The following ADGRG4 variants were observed in gnomAD, a reference collection of about 807,000 sequenced individuals.
ADGRG4 encodes the protein adhesion G protein-coupled receptor G4, also known as G protein-coupled receptor 112.
A neutral mutation model predicts 126.2 loss-of-function variants in ADGRG4; 122 were observed. The ratio of observed to expected loss-of-function variants is 0.97; its 90% CI spans 0.83 to 1.12. The LOEUF is 1.12. ADGRG4 is among the 50% of genes most tolerant of loss of function. ADGRG4 has a pLI of 0.00. For synonymous variants in ADGRG4, 943 were observed against 838.7 expected, an observed-to-expected ratio of 1.12 and a Z score of -2.15; for missense variants, 2,481 against 2,251.8, an observed-to-expected ratio of 1.10 and a Z score of -2.06.
chrX:136,310,676 G>T (rs899030382), intron 4 of ADGRG4, among the ~76,000 whole-genome samples: 1 of 110,969 alleles, frequency 9.0e-6, no homozygotes, highest in Non-Finnish European at 1.9e-5. Flanking sequence ...GGAGGAGCCA[G>T]AGTGTGGAGC....
chrX:136,325,414 T>C (rs1045839561), intron 5 of ADGRG4, among the ~76,000 whole-genome samples: 2 of 112,060 alleles, frequency 1.8e-5, no homozygotes, highest in Admixed American at 1.9e-4. Flanking sequence ...TTTTTCTCTT[T>C]TCTGGGGCCT....
At chrX:136,332,002 A>T (rs1246483635) in intron 5 of ADGRG4, among the ~76,000 whole-genome samples, 6 of 107,759 alleles carry the variant, frequency 5.6e-5, no homozygotes, top group East Asian at 2.9e-4. Context: ...ATTTTTTTTT[A>T]ATTTTTATTT....
intron 5 of ADGRG4, among the ~76,000 whole-genome samples, chrX:136,329,258 C>G (rs763237782): frequency 9.0e-5 from 10 of 111,529 alleles, no homozygotes; most frequent in Non-Finnish European, 1.7e-4. Flanking sequence ...GTGATATACC[C>G]AAATCACAAC....
Position 136,397,907 on chromosome X carries a change from A to G in ADGRG4, c.8211A>G (p.Ser2737=), listed in dbSNP as rs1360189396. The G allele has an allele frequency of 8.3e-7, 1 of 1,203,243 alleles. No individual in the cohort carries two copies. The highest frequency in any genetic ancestry group is 1.1e-6 in the Non-Finnish European group (1 of 887,748). The change falls in exon 20 of 26, where the codon TCA becomes TCG. Residue 2737 remains serine (S), a synonymous_variant. Coordinates refer to ENST00000394143, the MANE Select transcript of ADGRG4 (RefSeq NM_153834.4). ...ATTTATCCAGGTCTACAGTGGATTC[A>G]GTGAATGAACAGATATTAGCGCTTA... ...LMDLSRSTVD[S]VNEQILALIT...
chrX:136,384,726 A>G (rs888403215), intron 15 of ADGRG4, among the ~76,000 whole-genome samples: 3 of 111,473 alleles, frequency 2.7e-5, no homozygotes, highest in Admixed American at 9.5e-5. Flanking sequence ...CCCAGCCCCC[A>G]GCATTTTAAA....
chrX:136,315,702 G>T (rs1220271102), intron 4 of ADGRG4, among the ~76,000 whole-genome samples: 3 of 111,526 alleles, frequency 2.7e-5, no homozygotes, highest in Non-Finnish European at 5.7e-5. Context: ...ATCTTCTTTG[G>T]AAATAGAGTC....
Position 136,405,956 on chromosome X carries a change from T to G in ADGRG4, c.8919T>G (p.Ile2973Met). The change falls in exon 23 of 26, where the codon ATT (isoleucine) becomes ATG (methionine). Residue 2973 changes from isoleucine to methionine, a missense_variant. By Grantham distance (10) the Ile-to-Met change is conservative. Coordinates refer to ENST00000394143, the MANE Select transcript of ADGRG4 (RefSeq NM_153834.4). ...MRNFFLYLFA[I>M]FNTLQGFFIF... ...ACTTTTTCTTGTATTTGTTTGCCAT[T>G]TTTAACACTTTGCAAGGTAACTGGT... 8.9e-7 allele frequency: 1 copy of G among 1,127,514 alleles called. No individual in the cohort carries two copies. Among genetic ancestry groups the G allele is most frequent in the Admixed American group, 2.7e-5 (1 of 36,462 alleles). 92.9% of individuals were successfully genotyped at this position (1,127,514 alleles called of 1,213,427 possible). A position where few individuals can be genotyped will look rare whatever the true frequency, so the allele number is the denominator to read the frequency against.
chrX:136,359,410 T>C lies in ADGRG4; in HGVS notation c.7099T>C (p.Leu2367=). The C allele has an allele frequency of 1.7e-6, 2 of 1,208,206 alleles. No individual in the cohort carries two copies. The highest frequency in any genetic ancestry group is 3.6e-5 in the South Asian group (2 of 55,871). Residue 2367 remains leucine (L), a synonymous_variant, in exon 11 of 26, where the codon TTG becomes CTG. Coordinates refer to ENST00000394143, the MANE Select transcript of ADGRG4 (RefSeq NM_153834.4). ...ACATGGAAACTTCACACAAGATCAA[T>C]TGACGTTATTAGTAAACTGTGAACA... ...FTHGNFTQDQ[L]TLLVNCEHVA... is the part of the protein sequence containing the mutation.
chrX:136,351,719 G>C (rs1296882538), intron 7 of ADGRG4, among the ~76,000 whole-genome samples, 178 bp downstream of exon 7: 19 of 106,995 alleles, frequency 1.8e-4, no homozygotes, highest in Non-Finnish European at 3.1e-4. Flanking sequence ...GCAACATCAT[G>C]AGAATGTATG....
intron 19 of ADGRG4, among the ~76,000 whole-genome samples, chrX:136,397,088 C>T (rs747866145): frequency 7.5e-4 from 83 of 111,365 alleles, no homozygotes; most frequent in Middle Eastern, 4.6e-3. Flanking sequence ...CCCGCCCGGC[C>T]CCAAATAATT....
At chrX:136,338,441 C>A (rs762872017) in intron 5 of ADGRG4, among the ~76,000 whole-genome samples, 3 of 111,368 alleles carry the variant, frequency 2.7e-5, no homozygotes, top group Non-Finnish European at 5.6e-5. Flanking sequence ...AGCCACCAAG[C>A]CTGGCCCCAT....
At position 136,348,658 on chromosome X, in the gene ADGRG4, C is replaced by A; in HGVS notation, c.4952C>A (p.Pro1651Gln). The change falls in exon 6 of 26, where the codon CCA becomes CAA. Residue 1651 changes from proline (P) to glutamine (Q), a missense_variant. Transcript: ENST00000394143. ...TPTTFLSPTE[P>Q]TLPFVKTVPT... ...ACGACCTTTCTCTCTCCAACAGAGC[C>A]AACTTTGCCCTTTGTAAAAACCGTT... is the stretch of plus-strand genomic sequence containing the variant. 1.7e-6 allele frequency: 2 copies of A among 1,210,116 alleles called. No homozygotes were observed. Among genetic ancestry groups the A allele is most frequent in the Non-Finnish European group, 2.2e-6 (2 of 894,549 alleles).
At chrX:136,388,375 C>T (rs1280536989) in intron 16 of ADGRG4, among the ~76,000 whole-genome samples, 1 of 112,113 alleles carries the variant, frequency 8.9e-6, no homozygotes, top group African/African-American at 3.2e-5. Flanking sequence ...AAAACAGAGG[C>T]AGCATGATGT....
At chrX:136,369,769 C>A (rs893993705) in intron 13 of ADGRG4, among the ~76,000 whole-genome samples, 2 of 111,949 alleles carry the variant, frequency 1.8e-5, no homozygotes, top group Non-Finnish European at 3.8e-5. Flanking sequence ...AAATGTTAAT[C>A]GAGAAACAAC....
intron 23 of ADGRG4, among the ~76,000 whole-genome samples, chrX:136,408,997 T>C (rs749399561): frequency 1.4e-4 from 15 of 109,233 alleles, no homozygotes; most frequent in African/African-American, 5.0e-4. Flanking sequence ...CAAGATAGCA[T>C]GTGCCATCTT....
chrX:136,350,139 A>G lies in ADGRG4; in HGVS notation c.6433A>G (p.Met2145Val), dbSNP rs569329896. Residue 2145 changes from methionine (M) to valine (V), a missense_variant, in exon 6 of 26, where the codon ATG (methionine) becomes GTG (valine). Met to Val is a conservative substitution (Grantham distance 21). Transcript: ENST00000394143. The part of the protein sequence containing the change: ...TTDHTLSVGA[M>V]PLPSSTITSS... Reference sequence around the variant, plus strand: ...TGACCACACTCTATCTGTTGGTGCCATGCCTCTGCCTAGCTCTACAATAAC... The same window carrying G: ...TGACCACACTCTATCTGTTGGTGCCGTGCCTCTGCCTAGCTCTACAATAAC... 2.9e-5 allele frequency: 35 copies of G among 1,208,185 alleles called. No individual in the cohort carries two copies. The South Asian group carries it at 5.3e-4, about 18-fold the overall frequency.
At chrX:136,358,473 G>GATA (rs1437278766) in intron 10 of ADGRG4, among the ~76,000 whole-genome samples, 1 of 112,193 alleles carries the variant, frequency 8.9e-6, no homozygotes, top group Non-Finnish European at 1.9e-5. Context: ...TCAAAAAGCC[G>GATA]TGTCTACAAA....
In ADGRG4 at chrX:136,346,630, A is replaced by G. The variant is rs2075019209; in HGVS notation, c.2924A>G (p.Glu975Gly). 1.7e-6 allele frequency: 2 copies of G among 1,210,488 alleles called. No homozygotes were observed. Among genetic ancestry groups the G allele is most frequent in the Non-Finnish European group, 2.2e-6 (2 of 894,362 alleles). ...GGTGCTTCTACCACAAGGATATCAG[A>G]AACCAGTTTCTCCACTACCCCTACA... ...PLGASTTRIS[E>G]TSFSTTPTDR... is the part of the protein sequence containing the mutation. The change falls in exon 6 of 26, where the codon GAA becomes GGA. Residue 975 changes from glutamate to glycine, a missense_variant. Physicochemically the swap from Glu to Gly is moderately conservative, Grantham distance 98. Transcript: ENST00000394143.
Position 136,361,505 on chromosome X carries a change from T to C in ADGRG4, c.7195T>C (p.Tyr2399His). 8.4e-7 allele frequency: 1 copy of C among 1,185,604 alleles called. No individual in the cohort carries two copies. Among genetic ancestry groups the C allele is most frequent in the Non-Finnish European group, 1.1e-6 (1 of 876,488 alleles). Reference protein sequence around the residue: ...DETASKYKGTYKWLLTNPTET... With the variant: ...DETASKYKGTHKWLLTNPTET... ...AACAGCCTCTAAATACAAAGGGACC[T>C]ATAAGTGGCTATTAACCAACCCTAC... The change falls in exon 12 of 26, where the codon TAT becomes CAT. Residue 2399 changes from tyrosine to histidine, a missense_variant. Tyr to His is a moderately conservative substitution (Grantham distance 83). Coordinates refer to ENST00000394143, the MANE Select transcript of ADGRG4 (RefSeq NM_153834.4).
Sources: allele counts gnomAD v4.1 joint callset (sites outside exome capture counted in the v4.1 genomes callset), GRCh38; gene constraint gnomAD v4.1.1; transcripts MANE v1.5; gene names NCBI Gene and HGNC (gene_info 2026-07-23, HGNC 2026-07-21).